Variants in ZBTB20 observed in about 807,000 individuals in gnomAD.
ZBTB20 encodes the protein zinc finger and BTB domain-containing protein 20.
A neutral mutation model predicts 56.9 loss-of-function variants in ZBTB20; 9 were observed. The observed-to-expected ratio is 0.16, with a 90% CI of 0.10 to 0.28. ZBTB20 has a LOEUF of 0.28. Among genes scored for constraint, ZBTB20 ranks in the 10% least tolerant of loss-of-function variants. The pLI, the probability that ZBTB20 is intolerant of heterozygous loss-of-function variation, is 1.00. For missense variants in ZBTB20, 655 were observed against 1,003.0 expected, an observed-to-expected ratio of 0.65 and a Z score of 4.69; for synonymous variants, 417 against 420.7, an observed-to-expected ratio of 0.99 and a Z score of 0.11.
At chr3:114,632,292 C>G (rs754777777) in intron 6 of ZBTB20, among the ~76,000 whole-genome samples, 1 of 152,108 alleles carries the variant, frequency 6.6e-6, no homozygotes, top group Non-Finnish European at 1.5e-5. Flanking sequence ...TTGTGCTATG[C>G]GTGAGTACTG....
At chr3:114,782,825 T>C (rs2070203054) in intron 5 of ZBTB20, among the ~76,000 whole-genome samples, 1 of 152,172 alleles carries the variant, frequency 6.6e-6, no homozygotes, top group South Asian at 2.1e-4. Flanking sequence ...ATGTAGAAAC[T>C]GGCTGATATG....
At chr3:114,609,519 GT>G (rs2057398322) in intron 6 of ZBTB20, among the ~76,000 whole-genome samples, 1 of 152,068 alleles carries the variant, frequency 6.6e-6, no homozygotes, top group Admixed American at 6.5e-5. Context: ...CATTAGTATG[GT>G]TTCACTTTGG....
chr3:114,351,091 G>A lies in ZBTB20; in HGVS notation c.987C>T (p.Ile329=). Residue 329 remains isoleucine, a synonymous_variant, in exon 11 of 12, where the codon ATC becomes ATT. Coordinates refer to ENST00000675478, the MANE Select transcript of ZBTB20 (RefSeq NM_001348800.3). ...CGTAATCGTCCTCCATCTCCTGCTT[G>A]ATGTGGATGTTGCCCACTAGGGTCT... ...RIQTLVGNIH[I]KQEMEDDYDY... The A allele has an allele frequency of 6.2e-7, 1 of 1,609,994 alleles. No individual in the cohort carries two copies. The highest frequency in any genetic ancestry group is 1.1e-5 in the South Asian group (1 of 90,898).
chr3:115,044,219 G>C (rs1033727019), intron 2 of ZBTB20, among the ~76,000 whole-genome samples: 4 of 143,964 alleles, frequency 2.8e-5, no homozygotes, highest in African/African-American at 7.3e-5. Context: ...ACACTCTCCA[G>C]GAAGTTTCAA....
intron 6 of ZBTB20, among the ~76,000 whole-genome samples, chr3:114,622,080 T>C (rs780710004): frequency 2.6e-5 from 4 of 152,236 alleles, no homozygotes; most frequent in African/African-American, 9.6e-5. Flanking sequence ...TAATTTCATA[T>C]GTAGTCATTA....
At chr3:115,133,663 A>T (rs936265777) in intron 1 of ZBTB20, among the ~76,000 whole-genome samples, 1 of 152,164 alleles carries the variant, frequency 6.6e-6, no homozygotes, top group Non-Finnish European at 1.5e-5. Context: ...TCTTTCACTG[A>T]GTATGTTTTC....
chr3:114,416,075 T>C (rs2088516537), intron 7 of ZBTB20, among the ~76,000 whole-genome samples: 1 of 151,762 alleles, frequency 6.6e-6, no homozygotes, highest in Non-Finnish European at 1.5e-5. Flanking sequence ...CCTACAGGGG[T>C]GGGAAATGAC....
chr3:115,089,379 A>G (rs1234473305), intron 1 of ZBTB20, among the ~76,000 whole-genome samples: 1 of 151,872 alleles, frequency 6.6e-6, no homozygotes, highest in African/African-American at 2.4e-5. Flanking sequence ...AAGTTCCTTA[A>G]CAATTCATTA....
intron 5 of ZBTB20, among the ~76,000 whole-genome samples, chr3:114,798,665 A>C (rs1488959944): frequency 6.6e-6 from 1 of 151,974 alleles, no homozygotes; most frequent in Non-Finnish European, 1.5e-5. Context: ...AAATGAAGTC[A>C]CTAGACTTTG....
chr3:114,871,193 C>T (rs1438874038), intron 4 of ZBTB20, among the ~76,000 whole-genome samples: 1 of 152,122 alleles, frequency 6.6e-6, no homozygotes, highest in African/African-American at 2.4e-5. Context: ...TATTATCTCC[C>T]CTGCCCCATC....
In ZBTB20 at chr3:114,351,160, G is replaced by T; in HGVS notation, c.918C>A (p.Pro306=). 6.2e-7 allele frequency: 1 copy of T among 1,603,434 alleles called. No individual in the cohort carries two copies. Residue 306 remains proline, a synonymous_variant, in exon 11 of 12, where the codon CCC becomes CCA. Transcript: ENST00000675478. The part of the protein sequence containing the change: ...QQMERYLSTT[P]ETTHCRKQPR... Reference sequence around the variant, plus strand: ...GCTGCTTGCGGCAGTGCGTGGTCTCGGGGGTGGTGGACAGGTAGCGCTCCA... The same window carrying T: ...GCTGCTTGCGGCAGTGCGTGGTCTCTGGGGTGGTGGACAGGTAGCGCTCCA...
At chr3:114,358,537 C>T (rs1228131695) in intron 10 of ZBTB20, among the ~76,000 whole-genome samples, 2 of 152,206 alleles carry the variant, frequency 1.3e-5, no homozygotes, top group East Asian at 1.9e-4. Context: ...TTTACTTGGC[C>T]TTAGAGGTCT....
intron 4 of ZBTB20, among the ~76,000 whole-genome samples, chr3:114,845,090 T>C (rs550945397): frequency 6.6e-6 from 1 of 152,074 alleles, no homozygotes; most frequent in Admixed American, 6.6e-5. Context: ...TTTATCAACT[T>C]ATTCTTTTAT....
At chr3:114,955,259 T>C (rs1455961430) in intron 3 of ZBTB20, among the ~76,000 whole-genome samples, 3 of 152,216 alleles carry the variant, frequency 2.0e-5, no homozygotes, top group Non-Finnish European at 4.4e-5. Flanking sequence ...CTGCACCTTC[T>C]GCTGTATACC....
intron 5 of ZBTB20, among the ~76,000 whole-genome samples, chr3:114,703,968 C>T (rs934982374): frequency 2.1e-4 from 32 of 152,126 alleles, no homozygotes; most frequent in African/African-American, 7.2e-4. Context: ...ATATTCTTTT[C>T]TTATTTATTT....
intron 3 of ZBTB20, among the ~76,000 whole-genome samples, chr3:114,911,900 A>G (rs1220937915): frequency 6.6e-6 from 1 of 151,968 alleles, no homozygotes; most frequent in Non-Finnish European, 1.5e-5. Context: ...GCATATGGAC[A>G]TTCAGATTCA....
chr3:115,140,970 G>A (rs2084796901), intron 1 of ZBTB20, among the ~76,000 whole-genome samples: 1 of 152,116 alleles, frequency 6.6e-6, no homozygotes, highest in South Asian at 2.1e-4. Context: ...TGTCAAGAAT[G>A]GATTTTGACA....
At position 114,613,427 on chromosome 3, in the gene ZBTB20, T is replaced by C. The variant is rs1351835156; in HGVS notation, c.-295+80101A>G. The stretch of plus-strand genomic sequence containing the variant: ...TTATTGAATAATAGTAGTAGACTGA[T>C]CTATAGACCTAAACCAGTGGATCAA... On this transcript the variant is annotated intron_variant, in intron 6 of 11. Transcript: ENST00000675478. 7.9e-5 allele frequency among the ~76,000 whole-genome samples: 12 copies of C among 152,180 alleles called. 1 individual carries two copies. The highest frequency in any genetic ancestry group is 7.9e-4 in the Admixed American group (12 of 15,270).
At chr3:114,453,937 C>T (rs932305772) in intron 7 of ZBTB20, among the ~76,000 whole-genome samples, 5 of 126,198 alleles carry the variant, frequency 4.0e-5, no homozygotes, top group African/African-American at 1.2e-4. Flanking sequence ...CCCCCCCACC[C>T]TTCCCTTTGT....
Sources: gnomAD v4.1 joint callset for allele counts (sites outside exome capture counted in the v4.1 genomes callset) on GRCh38, gnomAD v4.1.1 for gene constraint, MANE v1.5 for transcripts, NCBI Gene and HGNC (gene_info 2026-07-23, HGNC 2026-07-21) for gene names.